The following KLF12 variants were observed in gnomAD, a reference collection of about 807,000 sequenced individuals.
KLF12 encodes Krueppel-like factor 12.
In KLF12, 9 loss-of-function variants were observed where a neutral mutation model predicts 37.8. That is an observed-to-expected ratio of 0.24 (90% CI 0.14 to 0.42). KLF12 has a LOEUF of 0.42. KLF12 is among the 10% of genes least tolerant of loss of function. KLF12 has a pLI of 1.00. For missense variants in KLF12, 411 were observed against 516.0 expected (o/e 0.80, Z 1.97); for synonymous variants, 208 against 202.1 (o/e 1.03, Z -0.25).
At position 73,830,989 on chromosome 13, in the gene KLF12, CAT is replaced by C. The variant is rs1884120744; in HGVS notation, c.670+14836_670+14837del. Among the ~76,000 whole-genome samples, 2 of 98,938 alleles carry C rather than the reference CAT, an allele frequency of 2.0e-5. 1 individual carries two copies. The highest frequency in any genetic ancestry group is 7.2e-4 in the South Asian group (2 of 2,764). 64.9% of individuals were successfully genotyped at this position (98,938 alleles called of 152,430 possible). On this transcript the variant is annotated intron_variant, in intron 4 of 7. Transcript: ENST00000377669. The stretch of plus-strand genomic sequence containing the variant: ...CAACATGGAATTACCTCACGCAATT[CAT>C]ACACACACACACACACACACACACA...
intron 1 of KLF12, among the ~76,000 whole-genome samples, chr13:74,058,905 T>A (rs1339948941): frequency 1.3e-5 from 2 of 152,178 alleles, no homozygotes; most frequent in Admixed American, 1.3e-4. Context: ...CACCCATAAA[T>A]GATCATTGTA....
chr13:74,262,057 T>A, the KLF12 span, among the ~76,000 whole-genome samples: 4 of 152,196 alleles, frequency 2.6e-5, no homozygotes, highest in Admixed American at 1.3e-4. Flanking sequence ...TGTTTTGTGG[T>A]CTGGTCTACA....
intron 2 of KLF12, among the ~76,000 whole-genome samples, chr13:73,951,289 G>T (rs1266392348): frequency 6.6e-6 from 1 of 151,898 alleles, no homozygotes; most frequent in Non-Finnish European, 1.5e-5. Context: ...TATATCAGTG[G>T]GCAAAAAAGA....
chr13:73,714,024 C>T (rs1875606161), intron 7 of KLF12, among the ~76,000 whole-genome samples: 1 of 152,156 alleles, frequency 6.6e-6, no homozygotes, highest in African/African-American at 2.4e-5. Context: ...ACTCAATTTC[C>T]ATGTCTTCAC....
the KLF12 span, among the ~76,000 whole-genome samples, chr13:74,160,705 C>T: frequency 2.0e-5 from 3 of 152,086 alleles, no homozygotes; most frequent in Non-Finnish European, 2.9e-5. Flanking sequence ...GGGAAGAAAC[C>T]TGTGGAGGTT....
intron 5 of KLF12, among the ~76,000 whole-genome samples, chr13:73,787,736 C>G (rs1449273346): frequency 1.3e-5 from 2 of 151,872 alleles, no homozygotes; most frequent in East Asian, 3.9e-4. Flanking sequence ...CTTCTGTTCT[C>G]GAAGATACAA....
intron 4 of KLF12, among the ~76,000 whole-genome samples, chr13:73,840,053 C>A (rs1212187644): frequency 1.3e-5 from 2 of 152,148 alleles, no homozygotes; most frequent in Admixed American, 1.3e-4. Flanking sequence ...TTACTTCAGG[C>A]AGTCTTTTGT....
chr13:74,198,733 T>C, the KLF12 span, among the ~76,000 whole-genome samples: 1 of 152,188 alleles, frequency 6.6e-6, no homozygotes, highest in Non-Finnish European at 1.5e-5. Context: ...AGAAGTGTTA[T>C]CCTAGACGAT....
intron 3 of KLF12, among the ~76,000 whole-genome samples, chr13:73,916,203 ATACT>A (rs1188806974): frequency 3.8e-5 from 5 of 131,688 alleles, no homozygotes; most frequent in African/African-American, 1.5e-4. Context: ...GGAAGAGCTA[ATACT>A]TACACACACA....
chr13:74,175,015 C>T, the KLF12 span, among the ~76,000 whole-genome samples: 1 of 152,302 alleles, frequency 6.6e-6, no homozygotes, highest in Non-Finnish European at 1.5e-5. Flanking sequence ...AACCACAGCA[C>T]CCTACAACTC....
chr13:73,846,430 T>A, intron 3 of KLF12, 57 bp from the exon 4 acceptor site: 1 of 1,436,446 alleles, frequency 7.0e-7, no homozygotes, highest in South Asian at 1.3e-5. Context: ...ATTTTATCGA[T>A]GCATGGCTTA....
chr13:74,189,930 C>T, the KLF12 span, among the ~76,000 whole-genome samples: 1 of 151,782 alleles, frequency 6.6e-6, no homozygotes, highest in Non-Finnish European at 1.5e-5. Context: ...AAAGAATGTC[C>T]ACTTTTTTTT....
At chr13:74,185,414 C>A in the KLF12 span, among the ~76,000 whole-genome samples, 7 of 152,052 alleles carry the variant, frequency 4.6e-5, no homozygotes, top group Non-Finnish European at 8.8e-5. Flanking sequence ...CTATTTCAGT[C>A]GGTCATCAAT....
intron 3 of KLF12, among the ~76,000 whole-genome samples, chr13:73,921,393 A>G (rs7986456): frequency 0.49 from 74,709 of 151,980 alleles, 19,346 homozygotes; most frequent in Admixed American, 0.57. Flanking sequence ...ACAAGGGCCT[A>G]CAACACAAAA....
chr13:73,748,511 T>C (rs1190177377), intron 6 of KLF12, among the ~76,000 whole-genome samples: 2 of 151,868 alleles, frequency 1.3e-5, no homozygotes, highest in Non-Finnish European at 1.5e-5. Context: ...AGATCAAAGT[T>C]CTCTTCTCTC....
chr13:73,822,131 T>A (rs1467728889), intron 4 of KLF12, among the ~76,000 whole-genome samples: 3 of 152,214 alleles, frequency 2.0e-5, no homozygotes, highest in Admixed American at 6.5e-5. Flanking sequence ...TTCTGCAATA[T>A]AATGATGCAA....
chr13:74,093,730 A>C (rs9600229), intron 1 of KLF12, among the ~76,000 whole-genome samples: 1 of 151,140 alleles, frequency 6.6e-6, no homozygotes, highest in Non-Finnish European at 1.5e-5. Flanking sequence ...TATATATATA[A>C]ATATATATAG....
At chr13:73,696,837 C>T (rs1874183864) in intron 7 of KLF12, among the ~76,000 whole-genome samples, 1 of 152,180 alleles carries the variant, frequency 6.6e-6, no homozygotes, top group African/African-American at 2.4e-5. Flanking sequence ...TGGATTAATT[C>T]TTACCCCATC....
At chr13:74,190,135 A>G in the KLF12 span, among the ~76,000 whole-genome samples, 1 of 152,216 alleles carries the variant, frequency 6.6e-6, no homozygotes, top group East Asian at 1.9e-4. Flanking sequence ...AAAAGTATGT[A>G]CATTAGTAAT....
Sources: allele counts gnomAD v4.1 joint callset (sites outside exome capture counted in the v4.1 genomes callset), GRCh38; gene constraint gnomAD v4.1.1; transcripts MANE v1.5; gene names NCBI Gene and HGNC (gene_info 2026-07-23, HGNC 2026-07-21).